The following INPP4A variants were observed in gnomAD, a reference collection of about 807,000 sequenced individuals.
INPP4A encodes inositol polyphosphate-4-phosphatase type I A, also known as inositol polyphosphate-4-phosphatase, type I, 107kD.
A neutral mutation model predicts 119.8 loss-of-function variants in INPP4A; 33 were observed. The observed-to-expected ratio is 0.28, with a 90% CI of 0.21 to 0.37. The LOEUF (loss-of-function observed/expected upper bound fraction) is 0.37. INPP4A is among the 10% of genes least tolerant of loss of function. The pLI is 1.00. For synonymous variants in INPP4A, 496 were observed against 500.7 expected, an observed-to-expected ratio of 0.99 and a Z score of 0.12; for missense variants, 956 against 1,289.9, an observed-to-expected ratio of 0.74 and a Z score of 3.97.
Position 98,570,113 on chromosome 2 carries a change from G to T in INPP4A, c.2518+1445G>T, listed in dbSNP as rs1697190073. Among the ~76,000 whole-genome samples the T allele has an allele frequency of 6.6e-6, 1 of 152,200 alleles. No individual in the cohort carries two copies. Among genetic ancestry groups the T allele is most frequent in the Admixed American group, 6.5e-5 (1 of 15,290 alleles). On this transcript the variant is annotated intron_variant, in intron 22 of 24. Coordinates refer to ENST00000409851, the MANE Select transcript of INPP4A (RefSeq NM_001134225.2). The surrounding 1 kb of genome is among the most constrained non-coding windows in gnomAD (Gnocchi z 4.3). ...AAGGACGCTGGAGTTGCCGGCAACA[G>T]CTGGGGCCGTCCCGCTGATGAGAGA...
chr2:98,498,371 G>C (rs1682463520), intron 1 of INPP4A, among the ~76,000 whole-genome samples: 1 of 152,042 alleles, frequency 6.6e-6, no homozygotes, highest in Non-Finnish European at 1.5e-5. Context: ...TGTAAGATGT[G>C]CCTTTTGCCT....
Position 98,569,102 on chromosome 2 carries a change from G to A in INPP4A, c.2518+434G>A, listed in dbSNP as rs1220645463. ...TTTGGGAGCAAGGTGGCCCCATCTC[G>A]GCATCTCCTGGAGGCAGTGGAGATG... On this transcript the variant is annotated intron_variant, in intron 22 of 24. Transcript: ENST00000409851. This position sits in a 1 kb window ranked among gnomAD's most constrained non-coding sequence, Gnocchi z 5.1. 1.2e-5 allele frequency: 2 copies of A among 170,942 alleles called. No homozygotes were observed. The highest frequency in any genetic ancestry group is 5.9e-5 in the Admixed American group (1 of 17,066). 10.6% of individuals were successfully genotyped at this position (170,942 alleles called of 1,614,324 possible).
chr2:98,548,986 T>C (rs369833835), intron 13 of INPP4A: 42 of 1,611,160 alleles, frequency 2.6e-5, no homozygotes, highest in Non-Finnish European at 3.5e-5. Context: ...TTTCTGTCTG[T>C]GGAGAGAGTG....
rs112671743 is a variant in INPP4A at position 98,558,723 on chromosome 2, C to T, written c.1823-740C>T. Among the ~76,000 whole-genome samples, 726 of 152,246 alleles carry T rather than the reference C, an allele frequency of 4.8e-3. 6 individuals are homozygous for T. Among genetic ancestry groups the T allele is most frequent in the African/African-American group, 0.017 (696 of 41,530 alleles). ...TGATTCCTTTTCAAACTTGTTTTCTCTTAGATGGTGCACCCAGTTAATGAG... is the reference window on the plus strand; with the variant it reads ...TGATTCCTTTTCAAACTTGTTTTCTTTTAGATGGTGCACCCAGTTAATGAG... On this transcript the variant is annotated intron_variant, in intron 16 of 24. Transcript: ENST00000409851.
At chr2:98,503,689 A>G (rs1346806202) in intron 1 of INPP4A, among the ~76,000 whole-genome samples, 1 of 152,230 alleles carries the variant, frequency 6.6e-6, no homozygotes, top group Non-Finnish European at 1.5e-5. Flanking sequence ...TGAACAGATG[A>G]ATGGACAGTT....
intron 1 of INPP4A, among the ~76,000 whole-genome samples, chr2:98,484,173 G>C (rs1461274839): frequency 6.6e-6 from 1 of 152,034 alleles, no homozygotes; most frequent in Non-Finnish European, 1.5e-5. Flanking sequence ...AGGTCTCTGA[G>C]GTCCCATCAC....
chr2:98,519,916 A>G (rs974348391), intron 2 of INPP4A, 30 bp from the exon 3 acceptor site: 5 of 698,462 alleles, frequency 7.2e-6, no homozygotes, highest in Non-Finnish European at 1.3e-5. Context: ...CACCGTCCCC[A>G]TGGTTTCTTA....
intron 24 of INPP4A, among the ~76,000 whole-genome samples, chr2:98,579,801 ATTTC>A (rs1559116502): frequency 6.6e-6 from 1 of 152,282 alleles, no homozygotes; most frequent in East Asian, 1.9e-4. Flanking sequence ...TTACTTGCTT[ATTTC>A]TTTGTTTTCT....
At chr2:98,477,892 G>A (rs993171996) in intron 1 of INPP4A, among the ~76,000 whole-genome samples, 2 of 152,220 alleles carry the variant, frequency 1.3e-5, no homozygotes, top group Non-Finnish European at 2.9e-5. Flanking sequence ...AATGGAGAGG[G>A]CAGAATTTGA....
chr2:98,470,327 G>A (rs555062983), intron 1 of INPP4A, among the ~76,000 whole-genome samples: 2 of 152,240 alleles, frequency 1.3e-5, no homozygotes, highest in Non-Finnish European at 2.9e-5. Flanking sequence ...CCCAGTGCAC[G>A]TGCAGCCCCA....
At position 98,478,334 on chromosome 2, in the gene INPP4A, G is replaced by T. The variant is rs143679350; in HGVS notation, c.-166+33249G>T. On this transcript the variant is annotated intron_variant, in intron 1 of 24. Coordinates refer to ENST00000409851, the MANE Select transcript of INPP4A (RefSeq NM_001134225.2). ...GCCACCAGAGAGGAGGATTCCTGTC[G>T]CTTGGGACCAGGACTGCTCCAAGTC... 2.1e-3 allele frequency among the ~76,000 whole-genome samples: 318 copies of T among 152,242 alleles called. 2 individuals are homozygous for T. Among genetic ancestry groups the T allele is most frequent in the African/African-American group, 7.4e-3 (309 of 41,526 alleles).
At position 98,545,949 on chromosome 2, in the gene INPP4A, TCTC is replaced by T. The variant is rs1315088759; in HGVS notation, c.950-17_950-15del. The T allele has an allele frequency of 1.3e-6, 2 of 1,542,010 alleles. No individual in the cohort carries two copies. The highest frequency in any genetic ancestry group is 1.8e-6 in the Non-Finnish European group (2 of 1,134,732). ...GCATGTATGCTGATGGCCTTTATCTTCTCCTATTCCATTTCTTAGGGCCCTCGT... is the reference window on the plus strand; with the variant it reads ...GCATGTATGCTGATGGCCTTTATCTTCTATTCCATTTCTTAGGGCCCTCGT... On this transcript the variant is annotated splice_polypyrimidine_tract_variant and intron_variant, in intron 11 of 24. Coordinates refer to ENST00000409851, the MANE Select transcript of INPP4A (RefSeq NM_001134225.2).
chr2:98,520,187 G>T, intron 3 of INPP4A, 33 bp downstream of exon 3: 1 of 1,501,138 alleles, frequency 6.7e-7, no homozygotes, highest in Non-Finnish European at 9.1e-7. Flanking sequence ...CGGGCTCCAG[G>T]TATGAGCTCA....
chr2:98,459,163 G>T (rs952418593), intron 1 of INPP4A, among the ~76,000 whole-genome samples: 1 of 152,210 alleles, frequency 6.6e-6, no homozygotes, highest in Non-Finnish European at 1.5e-5. Context: ...GTCTGGACTG[G>T]CCCAGGAGTG....
intron 14 of INPP4A, among the ~76,000 whole-genome samples, chr2:98,553,796 C>T (rs910451716): frequency 3.3e-5 from 5 of 152,218 alleles, no homozygotes; most frequent in African/African-American, 1.2e-4. Flanking sequence ...TCTCCAAAAC[C>T]AGACATGTTG....
rs189256344 is a variant in INPP4A, at chr2:98,591,082, G to A, written c.*3474G>A. ...TTTGTCAGCTGTCTTTTGGTCTGTG[G>A]TAGGAGTTATACAGTATTTTAAATG... is the stretch of plus-strand genomic sequence containing the variant. On this transcript the variant is annotated 3_prime_UTR_variant, in exon 25 of 25. Coordinates refer to ENST00000409851, the MANE Select transcript of INPP4A (RefSeq NM_001134225.2). 2 of 206,512 alleles carry A rather than the reference G, an allele frequency of 9.7e-6. No individual in the cohort carries two copies. Among genetic ancestry groups the A allele is most frequent in the Admixed American group, 1.2e-4 (2 of 16,854 alleles). 12.8% of individuals were successfully genotyped at this position (206,512 alleles called of 1,614,324 possible).
chr2:98,582,594 A>G (rs192792947), intron 24 of INPP4A, among the ~76,000 whole-genome samples: 7 of 150,590 alleles, frequency 4.6e-5, no homozygotes, highest in Non-Finnish European at 1.0e-4. Flanking sequence ...CACCTACTGC[A>G]TACGCCAAAG....
chr2:98,480,817 G>A (rs564587902), intron 1 of INPP4A, among the ~76,000 whole-genome samples: 100 of 152,330 alleles, frequency 6.6e-4, no homozygotes, highest in Non-Finnish European at 1.1e-3. Context: ...CTTGCCAGCT[G>A]CAGCCCCAGG....
Position 98,462,233 on chromosome 2 carries a change from G to A in INPP4A, c.-166+17148G>A, listed in dbSNP as rs112871715. Among the ~76,000 whole-genome samples, 576 of 152,288 alleles carry A rather than the reference G, an allele frequency of 3.8e-3. 7 individuals are homozygous for A. The highest frequency in any genetic ancestry group is 0.013 in the African/African-American group (557 of 41,556). Reference sequence around the variant, plus strand: ...GAAGGCCAAGGTGGGCGGATCATGAGGTCAGGACATCGAGACCATCCTGGC... The same window carrying A: ...GAAGGCCAAGGTGGGCGGATCATGAAGTCAGGACATCGAGACCATCCTGGC... On this transcript the variant is annotated intron_variant, in intron 1 of 24. Transcript: ENST00000409851.
Sources: gnomAD v4.1 joint callset for allele counts (sites outside exome capture counted in the v4.1 genomes callset) on GRCh38, gnomAD v4.1.1 for gene constraint, Gnocchi (gnomAD v3.1) non-coding constraint, MANE v1.5 for transcripts, NCBI Gene and HGNC (gene_info 2026-07-23, HGNC 2026-07-21) for gene names.